UBE2K: variants seen among roughly 807,000 people sequenced by gnomAD.
The protein encoded by UBE2K is ubiquitin conjugating enzyme E2 K.
Under a neutral mutation model 30.0 loss-of-function variants are expected in UBE2K, and 6 were observed. The ratio of observed to expected loss-of-function variants is 0.20; its 90% confidence interval spans 0.11 to 0.39. UBE2K has a LOEUF of 0.39. Ranked by LOEUF, UBE2K falls within the 10% of genes least tolerant of loss-of-function variation. The probability of loss-of-function intolerance (pLI) is 1.00; values close to 1 mark genes in which losing one functional copy is unlikely to be tolerated. For synonymous variants in UBE2K, 86 were observed against 83.7 expected (o/e 1.03, Z -0.15); for missense variants, 61 against 241.6 (o/e 0.25, Z 4.96).
chr4:39,745,054 A>G lies in UBE2K; in HGVS notation c.158-698A>G, dbSNP rs6848230. 1.9e-3 allele frequency among the ~76,000 whole-genome samples: 295 copies of G among 152,246 alleles called. 1 individual carries two copies. Among genetic ancestry groups the G allele is most frequent in the African/African-American group, 7.0e-3 (290 of 41,576 alleles). On this transcript the variant is annotated intron_variant, in intron 2 of 6. Transcript: ENST00000261427. Reference sequence around the variant, plus strand: ...TTTTTATATTAAAATAGAGACAAGGACTTGCTATATTGAGCAGGCTCTACT... The same window carrying G: ...TTTTTATATTAAAATAGAGACAAGGGCTTGCTATATTGAGCAGGCTCTACT...
At chr4:39,721,878 C>T (rs982165435) in intron 1 of UBE2K, among the ~76,000 whole-genome samples, 1 of 151,900 alleles carries the variant, frequency 6.6e-6, no homozygotes, top group African/African-American at 2.4e-5. Context: ...AAGTTGAGCC[C>T]AGGAGTTTGA....
intron 4 of UBE2K, among the ~76,000 whole-genome samples, chr4:39,757,596 C>G (rs1318337949): frequency 6.6e-6 from 1 of 152,078 alleles, no homozygotes; most frequent in African/African-American, 2.4e-5. Context: ...GACTTTCTAA[C>G]ATAAAGCAGT....
At chr4:39,755,760 C>T (rs1305095812) in intron 4 of UBE2K, 21 bp downstream of exon 4, 2 of 1,517,508 alleles carry the variant, frequency 1.3e-6, no homozygotes, top group Non-Finnish European at 9.0e-7. Flanking sequence ...TTGAATTCAC[C>T]TTCTCTCCTT....
chr4:39,724,541 G>A (rs940497741), intron 1 of UBE2K, among the ~76,000 whole-genome samples: 17 of 121,696 alleles, frequency 1.4e-4, no homozygotes, highest in South Asian at 8.3e-4. Context: ...GAGTTCAGGA[G>A]TTCAAAATCA....
chr4:39,728,719 A>G (rs1323904491), intron 1 of UBE2K, among the ~76,000 whole-genome samples: 1 of 151,162 alleles, frequency 6.6e-6, no homozygotes, highest in Non-Finnish European at 1.5e-5. Flanking sequence ...GCTCACTGCA[A>G]GCTCCGCCTC....
intron 3 of UBE2K, among the ~76,000 whole-genome samples, chr4:39,749,586 C>G (rs2109365425): frequency 6.6e-6 from 1 of 151,786 alleles, no homozygotes; most frequent in African/African-American, 2.4e-5. Flanking sequence ...GGCTAAGGCA[C>G]AAGAATTGCT....
At chr4:39,709,968 A>C (rs2109310197) in intron 1 of UBE2K, 1 of 152,094 alleles carries the variant, frequency 6.6e-6, no homozygotes, top group Middle Eastern at 3.4e-3. Context: ...GGGCTTTGGG[A>C]GCCAGAAAAT....
intron 1 of UBE2K, among the ~76,000 whole-genome samples, chr4:39,735,506 G>A (rs1270218721): frequency 5.9e-5 from 9 of 152,082 alleles, no homozygotes; most frequent in African/African-American, 1.7e-4. Context: ...TCAGCCTCCC[G>A]AGTAGCTGGG....
chr4:39,703,220 C>CTT (rs1322420804), intron 1 of UBE2K, among the ~76,000 whole-genome samples: 3 of 152,038 alleles, frequency 2.0e-5, no homozygotes, highest in Admixed American at 6.6e-5. Flanking sequence ...TGACAAAACT[C>CTT]TTTAAAAGAG....
intron 4 of UBE2K, among the ~76,000 whole-genome samples, chr4:39,772,495 A>G (rs1712956719): frequency 6.6e-6 from 1 of 151,788 alleles, no homozygotes; most frequent in African/African-American, 2.4e-5. Context: ...GAATCACCTG[A>G]GCCAAAGAGG....
At position 39,767,299 on chromosome 4, in the gene UBE2K, G is replaced by GTTTTTT. The variant is rs71194918; in HGVS notation, c.300-7529_300-7524dup. 3.5e-3 allele frequency among the ~76,000 whole-genome samples: 485 copies of GTTTTTT among 139,770 alleles called. 5 individuals are homozygous for GTTTTTT. The highest frequency in any genetic ancestry group is 0.013 in the African/African-American group (472 of 36,960). The allele number at this position is 139,770 out of a possible 152,430, so 91.7% of individuals were successfully genotyped here. The stretch of plus-strand genomic sequence containing the variant: ...GAGATTATCAGTTTTCTTTTTTTCT[G>GTTTTTT]TTTTTTTTTTTGTGTGTGTGTTTTG... On this transcript the variant is annotated intron_variant, in intron 4 of 6. Transcript: ENST00000261427.
chr4:39,717,685 C>T (rs1036685247), intron 1 of UBE2K, among the ~76,000 whole-genome samples: 5 of 152,200 alleles, frequency 3.3e-5, no homozygotes, highest in African/African-American at 9.7e-5. Context: ...TTGGTGGGTT[C>T]TTGGTCTCAC....
intron 1 of UBE2K, among the ~76,000 whole-genome samples, chr4:39,735,616 C>T (rs959147824): frequency 6.6e-6 from 1 of 152,080 alleles, no homozygotes; most frequent in Non-Finnish European, 1.5e-5. Context: ...CTCCTGACCT[C>T]GTGATCTGCC....
At position 39,773,329 on chromosome 4, in the gene UBE2K, A is replaced by G. The variant is rs1192685761; in HGVS notation, c.300-1505A>G. Among the ~76,000 whole-genome samples the G allele has an allele frequency of 5.3e-5, 8 of 151,738 alleles. No homozygotes were observed. In the South Asian group the frequency reaches 1.5e-3, roughly 28 times the overall value. Reference sequence around the variant, plus strand: ...TAAAACTACAAAAAATTAGCCGGGCATGGTGGCATGTGCCTGTAGTCCCAG... The same window carrying G: ...TAAAACTACAAAAAATTAGCCGGGCGTGGTGGCATGTGCCTGTAGTCCCAG... On this transcript the variant is annotated intron_variant, in intron 4 of 6. Transcript: ENST00000261427.
chr4:39,728,707 C>T (rs6828986), intron 1 of UBE2K, among the ~76,000 whole-genome samples: 28,067 of 151,554 alleles, frequency 0.19, 4,603 homozygotes, highest in African/African-American at 0.44. Flanking sequence ...TGTGCGATCT[C>T]GGCTCACTGC....
intron 1 of UBE2K, among the ~76,000 whole-genome samples, chr4:39,731,683 C>T (rs1028529092): frequency 7.2e-5 from 11 of 151,864 alleles, no homozygotes; most frequent in Admixed American, 3.9e-4. Context: ...ATTTAACTGC[C>T]TAGAAGGTAG....
At chr4:39,772,690 A>C (rs1212299556) in intron 4 of UBE2K, among the ~76,000 whole-genome samples, 1 of 139,042 alleles carries the variant, frequency 7.2e-6, no homozygotes, top group Non-Finnish European at 1.5e-5. Context: ...TGATAAAGCA[A>C]CTTTTTTTTT....
intron 3 of UBE2K, among the ~76,000 whole-genome samples, chr4:39,748,315 A>G (rs1310046516): frequency 6.6e-6 from 1 of 152,052 alleles, no homozygotes; most frequent in African/African-American, 2.4e-5. Flanking sequence ...TGCAGCCTTT[A>G]ACTCCTGGGG....
intron 3 of UBE2K, 145 bp downstream of exon 3, chr4:39,745,955 A>G: frequency 3.4e-6 from 2 of 590,408 alleles, no homozygotes; most frequent in South Asian, 3.9e-5. Context: ...AGGATTTTAG[A>G]TAATGGCAGG....
Sources: allele counts gnomAD v4.1 joint callset (sites outside exome capture counted in the v4.1 genomes callset), GRCh38; gene constraint gnomAD v4.1.1; transcripts MANE v1.5; gene names NCBI Gene and HGNC (gene_info 2026-07-23, HGNC 2026-07-21).